Variants in FEZ1 observed in about 807,000 individuals in gnomAD.
FEZ1 encodes the protein fasciculation and elongation protein zeta 1.
In FEZ1, 20 loss-of-function variants were observed where a neutral mutation model predicts 49.3. The ratio of observed to expected loss-of-function variants is 0.41; its 90% CI spans 0.29 to 0.59. The LOEUF (loss-of-function observed/expected upper bound fraction) is 0.59. Ranked by LOEUF, FEZ1 falls within the 20% of genes least tolerant of loss-of-function variation. The pLI is 0.36. For synonymous variants in FEZ1, 170 were observed against 180.9 expected (o/e 0.94, Z 0.48); for missense variants, 413 against 476.0 (o/e 0.87, Z 1.23).
intron 6 of FEZ1, chr11:125,454,454 C>T (rs990025019): frequency 2.7e-6 from 1 of 366,146 alleles, no homozygotes; most frequent in Middle Eastern, 6.9e-4. Flanking sequence ...CCTCTGCATC[C>T]CCCAGTTTTC....
intron 6 of FEZ1, 44 bp from the exon 7 acceptor site, chr11:125,454,254 C>T (rs377095690): frequency 2.0e-6 from 3 of 1,468,906 alleles, no homozygotes; most frequent in Middle Eastern, 1.7e-4. Context: ...CTTCTTGCTA[C>T]ACTGTCACCA....
In FEZ1 at chr11:125,489,868, T is replaced by C; in HGVS notation, c.-45-46A>G. 7.0e-7 allele frequency: 1 copy of C among 1,437,636 alleles called. No individual in the cohort carries two copies. The highest frequency in any genetic ancestry group is 9.2e-7 in the Non-Finnish European group (1 of 1,092,240). 89.1% of individuals were successfully genotyped at this position (1,437,636 alleles called of 1,614,324 possible). A position where few individuals can be genotyped will look rare whatever the true frequency, so the allele number is the denominator to read the frequency against. On this transcript the variant is annotated intron_variant, in intron 1 of 9. Transcript: ENST00000278919. The surrounding 1 kb of genome is among the most constrained non-coding windows in gnomAD (Gnocchi z 4.2). ...AATGTGAGTTTAGACCAGGCTAATCTAAATAATAGAGTTAACTTTAGAGAC... is the reference window on the plus strand; with the variant it reads ...AATGTGAGTTTAGACCAGGCTAATCCAAATAATAGAGTTAACTTTAGAGAC...
At chr11:125,458,656 T>C (rs1957042351) in intron 5 of FEZ1, among the ~76,000 whole-genome samples, 1 of 152,246 alleles carries the variant, frequency 6.6e-6, no homozygotes, top group African/African-American at 2.4e-5. Flanking sequence ...TTAGATTAAA[T>C]CTTTAAAATA....
At chr11:125,470,078 C>T (rs985198166) in intron 3 of FEZ1, among the ~76,000 whole-genome samples, 5 of 152,026 alleles carry the variant, frequency 3.3e-5, no homozygotes, top group African/African-American at 1.2e-4. Context: ...AGAATAGCCC[C>T]CAACATGAAA....
chr11:125,446,503 G>T (rs540617450), intron 9 of FEZ1, among the ~76,000 whole-genome samples: 1 of 152,300 alleles, frequency 6.6e-6, no homozygotes, highest in South Asian at 2.1e-4. Context: ...TCAGTGGCTC[G>T]TGAGGGGTAA....
chr11:125,464,576 G>C (rs1957108196), intron 3 of FEZ1, among the ~76,000 whole-genome samples: 1 of 152,150 alleles, frequency 6.6e-6, no homozygotes, highest in African/African-American at 2.4e-5. Context: ...ACAGGAAACA[G>C]CCCAGCTCCA....
Position 125,463,516 on chromosome 11 carries a change from T to C in FEZ1, c.466A>G (p.Ile156Val), listed in dbSNP as rs1315358965. Residue 156 changes from isoleucine (I) to valine (V), a missense_variant, in exon 4 of 10, where the codon ATC (isoleucine) becomes GTC (valine). Transcript: ENST00000278919. ...FNEKSENDSG[I>V]NEEPLLTADQ... ...GCTGTGAGCAGAGGCTCCTCGTTGA[T>C]ACCGGAATCATTTTCACTCTTCTCA... is the stretch of plus-strand genomic sequence containing the variant. 2 of 1,610,648 alleles carry C rather than the reference T, an allele frequency of 1.2e-6. No individual in the cohort carries two copies. Among genetic ancestry groups the C allele is most frequent in the Non-Finnish European group, 1.7e-6 (2 of 1,176,994 alleles).
intron 9 of FEZ1, among the ~76,000 whole-genome samples, chr11:125,447,052 A>T (rs1000121669): frequency 6.6e-6 from 1 of 152,208 alleles, no homozygotes; most frequent in African/African-American, 2.4e-5. Flanking sequence ...TGCAGGACAA[A>T]AAACAATAAA....
chr11:125,484,668 C>CA (rs113916197), intron 2 of FEZ1, among the ~76,000 whole-genome samples: 109 of 86,044 alleles, frequency 1.3e-3, no homozygotes, highest in South Asian at 3.1e-3. Context: ...AACTCTGTCT[C>CA]AAAAAAAAAA....
rs543439772 is a variant in FEZ1, at chr11:125,470,402, A to T, written c.412-6832T>A. Among the ~76,000 whole-genome samples the T allele has an allele frequency of 3.3e-5, 5 of 152,228 alleles. 1 individual carries two copies. In the South Asian group the frequency reaches 1.0e-3, roughly 31 times the overall value. ...CCCTGGAGAGTGAAACAAAATAAGC[A>T]GATAGAATTATGGGCGGGGAAAAAT... On this transcript the variant is annotated intron_variant, in intron 3 of 9. Coordinates refer to ENST00000278919, the MANE Select transcript of FEZ1 (RefSeq NM_005103.5).
chr11:125,465,485 C>G (rs1250918820), intron 3 of FEZ1, among the ~76,000 whole-genome samples: 1 of 152,088 alleles, frequency 6.6e-6, no homozygotes, highest in Admixed American at 6.5e-5. Context: ...CTCCCCTCCC[C>G]CTCTCAGGCG....
At chr11:125,468,696 G>A (rs537064823) in intron 3 of FEZ1, among the ~76,000 whole-genome samples, 4 of 152,188 alleles carry the variant, frequency 2.6e-5, no homozygotes, top group South Asian at 4.2e-4. Context: ...AACAGACGCC[G>A]GCCCAGCAGG....
chr11:125,489,383 T>C lies in FEZ1; in HGVS notation c.311+84A>G. 1 of 1,522,122 alleles carries C rather than the reference T, an allele frequency of 6.6e-7. No individual in the cohort carries two copies. Among genetic ancestry groups the C allele is most frequent in the Non-Finnish European group, 8.8e-7 (1 of 1,138,994 alleles). 94.3% of individuals were successfully genotyped at this position (1,522,122 alleles called of 1,614,324 possible). On this transcript the variant is annotated intron_variant, in intron 2 of 9. Transcript: ENST00000278919. The surrounding 1 kb of genome is among the most constrained non-coding windows in gnomAD (Gnocchi z 4.2). Reference sequence around the variant, plus strand: ...ATGAAAGTAATAGCCCATAAACCTATAGACAGAAACCAGCACTATGTCAAG... The same window carrying C: ...ATGAAAGTAATAGCCCATAAACCTACAGACAGAAACCAGCACTATGTCAAG...
At chr11:125,482,425 A>T (rs776285523) in intron 2 of FEZ1, among the ~76,000 whole-genome samples, 54 of 152,232 alleles carry the variant, frequency 3.5e-4, no homozygotes, top group Admixed American at 7.2e-4. Context: ...ATGGAGCTAC[A>T]TTTATTACAT....
In FEZ1 at chr11:125,454,390, T is replaced by A. The variant is rs114848490; in HGVS notation, c.940-180A>T. On this transcript the variant is annotated intron_variant, in intron 6 of 9. Transcript: ENST00000278919. Reference sequence around the variant, plus strand: ...AATTGAAGCCTGAGCTTTGCAAGAATAAACAGAGTCTCAAGAACTCTTATC... The same window carrying A: ...AATTGAAGCCTGAGCTTTGCAAGAAAAAACAGAGTCTCAAGAACTCTTATC... The A allele has an allele frequency of 2.5e-3, 1,147 of 465,008 alleles. 7 individuals are homozygous for A. Among genetic ancestry groups the A allele is most frequent in the African/African-American group, 0.021 (1,047 of 49,834 alleles). 28.8% of individuals were successfully genotyped at this position (465,008 alleles called of 1,614,324 possible).
chr11:125,462,180 G>C (rs927083973), intron 4 of FEZ1, among the ~76,000 whole-genome samples: 34 of 152,236 alleles, frequency 2.2e-4, no homozygotes, highest in Non-Finnish European at 3.7e-4. Context: ...GGCACCGAAG[G>C]CTGCCAGTGG....
intron 4 of FEZ1, 71 bp from the exon 5 acceptor site, chr11:125,460,737 C>T (rs2135750635): frequency 4.3e-6 from 6 of 1,392,986 alleles, no homozygotes; most frequent in Middle Eastern, 1.9e-4. Context: ...GAATTTTGAT[C>T]AGTTAAGGAT....
intron 2 of FEZ1, among the ~76,000 whole-genome samples, chr11:125,487,898 C>T (rs1019307165): frequency 6.6e-6 from 1 of 152,200 alleles, no homozygotes; most frequent in Non-Finnish European, 1.5e-5. Context: ...ATCAAATAAG[C>T]AACCCTCTCC....
chr11:125,447,694 C>A (rs570618786), intron 9 of FEZ1, among the ~76,000 whole-genome samples: 1 of 151,934 alleles, frequency 6.6e-6, no homozygotes, highest in Non-Finnish European at 1.5e-5. Context: ...TGGTGGCAGG[C>A]GCCTGTAATC....
Sources: gnomAD v4.1 joint callset for allele counts (sites outside exome capture counted in the v4.1 genomes callset) on GRCh38, gnomAD v4.1.1 for gene constraint, Gnocchi (gnomAD v3.1) non-coding constraint, MANE v1.5 for transcripts, NCBI Gene and HGNC (gene_info 2026-07-23, HGNC 2026-07-21) for gene names.